EXOC6: variants seen among roughly 807,000 people sequenced by gnomAD.
The protein encoded by EXOC6 is exocyst complex component 6.
A neutral mutation model predicts 112.5 loss-of-function variants in EXOC6; 60 were observed. That is an observed-to-expected ratio of 0.53 (90% CI 0.43 to 0.66). EXOC6 has a LOEUF of 0.66. EXOC6 is among the 30% of genes least tolerant of loss of function. The probability of loss-of-function intolerance (pLI) is 0.00; values close to 1 mark genes in which losing one functional copy is unlikely to be tolerated. For missense variants in EXOC6, 855 were observed against 957.1 expected, an observed-to-expected ratio of 0.89 and a Z score of 1.41; for synonymous variants, 295 against 308.0, an observed-to-expected ratio of 0.96 and a Z score of 0.44.
rs140698131 is a variant in EXOC6, at chr10:93,031,099, A to G, written c.2169+16832A>G. On this transcript the variant is annotated intron_variant, in intron 20 of 21. Coordinates refer to ENST00000260762, the MANE Select transcript of EXOC6 (RefSeq NM_019053.6). Reference sequence around the variant, plus strand: ...TGTGAGCACCTACAGATGCAGAAAGAGAAGGAGGTAGAGGAACAAAAGCTA... The same window carrying G: ...TGTGAGCACCTACAGATGCAGAAAGGGAAGGAGGTAGAGGAACAAAAGCTA... Among the ~76,000 whole-genome samples, 313 of 152,292 alleles carry G rather than the reference A, an allele frequency of 2.1e-3. 2 individuals are homozygous for G. Among genetic ancestry groups the G allele is most frequent in the African/African-American group, 7.3e-3 (303 of 41,564 alleles).
chr10:92,860,095 G>T (rs1847833739), intron 1 of EXOC6, among the ~76,000 whole-genome samples: 1 of 152,018 alleles, frequency 6.6e-6, no homozygotes, highest in Admixed American at 6.6e-5. Flanking sequence ...TGACTTTTTA[G>T]TGGATTAAAA....
intron 1 of EXOC6, among the ~76,000 whole-genome samples, chr10:92,870,354 G>C (rs1478114400): frequency 6.6e-6 from 1 of 152,134 alleles, no homozygotes; most frequent in Non-Finnish European, 1.5e-5. Context: ...AATTTTGTCA[G>C]ATGTTTCTTC....
intron 18 of EXOC6, among the ~76,000 whole-genome samples, chr10:92,982,038 C>T (rs1842843311): frequency 1.3e-5 from 2 of 152,122 alleles, no homozygotes; most frequent in South Asian, 4.1e-4. Context: ...ATCACTTGAA[C>T]CCGGGAGGCA....
intron 8 of EXOC6, among the ~76,000 whole-genome samples, chr10:92,923,950 A>G (rs918219915): frequency 6.6e-6 from 1 of 152,214 alleles, no homozygotes; most frequent in African/African-American, 2.4e-5. Context: ...TCCTTTAATT[A>G]TTAATCAAGG....
chr10:92,996,000 ATCAACCCTATGTAATATGTT>A (rs1341901537), intron 18 of EXOC6, among the ~76,000 whole-genome samples: 1 of 152,198 alleles, frequency 6.6e-6, no homozygotes, highest in Non-Finnish European at 1.5e-5. Flanking sequence ...TTTTTCACAA[ATCAACCCTATGTAATATGTT>A]TTTGTACTAA....
chr10:92,835,297 GTTTA>G (rs1366326214), intron 1 of EXOC6, among the ~76,000 whole-genome samples: 5 of 152,010 alleles, frequency 3.3e-5, no homozygotes, highest in Non-Finnish European at 7.4e-5. Context: ...TCCATATAAG[GTTTA>G]TTTATTTTTT....
intron 1 of EXOC6, among the ~76,000 whole-genome samples, chr10:92,853,820 A>T (rs1847465869): frequency 6.6e-6 from 1 of 152,204 alleles, no homozygotes; most frequent in African/African-American, 2.4e-5. Context: ...TGACTTTAGG[A>T]TAGGCCAAGA....
At chr10:92,830,307 G>C (rs551509889), upstream of EXOC6, among the ~76,000 whole-genome samples, 2 of 152,152 alleles carry the variant, frequency 1.3e-5, no homozygotes, top group Non-Finnish European at 1.5e-5. Flanking sequence ...AAAGGTGAGC[G>C]ACTGATGCAG....
At chr10:92,903,718 C>G (rs1250198512) in intron 5 of EXOC6, among the ~76,000 whole-genome samples, 1 of 151,770 alleles carries the variant, frequency 6.6e-6, no homozygotes, top group Non-Finnish European at 1.5e-5. Context: ...TATACTTTTC[C>G]TCTTCTTTCT....
At chr10:92,986,764 A>G (rs577655504) in intron 18 of EXOC6, among the ~76,000 whole-genome samples, 58 of 151,704 alleles carry the variant, frequency 3.8e-4, no homozygotes, top group Non-Finnish European at 6.3e-4. Flanking sequence ...AAAAAATTAA[A>G]TAGTACTTTA....
At chr10:93,041,428 G>C (rs555471484) in intron 20 of EXOC6, among the ~76,000 whole-genome samples, 4 of 152,202 alleles carry the variant, frequency 2.6e-5, no homozygotes, top group African/African-American at 9.6e-5. Context: ...GTCTCACTCT[G>C]TTGCCCAGGC....
At chr10:92,900,543 C>T (rs1477385614) in intron 5 of EXOC6, 3 of 151,756 alleles carry the variant, frequency 2.0e-5, no homozygotes, top group Non-Finnish European at 2.9e-5. Flanking sequence ...AAGCCAAAAA[C>T]TATTCTGAAA....
intron 18 of EXOC6, among the ~76,000 whole-genome samples, chr10:92,992,936 C>A (rs929209934): frequency 1.3e-5 from 2 of 151,460 alleles, no homozygotes; most frequent in Non-Finnish European, 3.0e-5. Context: ...AAATTTAATT[C>A]ATTAAAATAC....
chr10:93,057,732 T>C (rs1487381517), intron 21 of EXOC6, among the ~76,000 whole-genome samples: 2 of 152,204 alleles, frequency 1.3e-5, no homozygotes, highest in Non-Finnish European at 2.9e-5. Context: ...TATTTTCCTA[T>C]ATTTCAAAAT....
chr10:92,947,005 G>A (rs1343049870), intron 13 of EXOC6, among the ~76,000 whole-genome samples: 2 of 152,098 alleles, frequency 1.3e-5, no homozygotes, highest in African/African-American at 4.8e-5. Context: ...TAGATTTCTT[G>A]TGTTTATTGT....
intron 20 of EXOC6, among the ~76,000 whole-genome samples, chr10:93,032,988 A>T (rs1221103936): frequency 1.3e-5 from 2 of 152,148 alleles, no homozygotes; most frequent in Non-Finnish European, 2.9e-5. Flanking sequence ...GGAAAGAGAA[A>T]GGGTAATAGT....
intron 1 of EXOC6, among the ~76,000 whole-genome samples, chr10:92,842,936 G>A (rs1018024632): frequency 6.6e-6 from 1 of 152,070 alleles, no homozygotes; most frequent in Non-Finnish European, 1.5e-5. Context: ...TGATGACAGG[G>A]TATTGAACCA....
chr10:92,863,770 C>G (rs549445885), intron 1 of EXOC6, among the ~76,000 whole-genome samples: 1 of 151,970 alleles, frequency 6.6e-6, no homozygotes, highest in African/African-American at 2.4e-5. Flanking sequence ...AAAAAATTAG[C>G]TGGGCGTGGT....
intron 19 of EXOC6, among the ~76,000 whole-genome samples, chr10:93,009,041 C>T (rs1417818535): frequency 6.6e-6 from 1 of 151,902 alleles, no homozygotes; most frequent in Non-Finnish European, 1.5e-5. Flanking sequence ...GCAACATAGT[C>T]CCCCTGTCTC....
Sources: gnomAD v4.1 joint callset for allele counts (sites outside exome capture counted in the v4.1 genomes callset) on GRCh38, gnomAD v4.1.1 for gene constraint, MANE v1.5 for transcripts, NCBI Gene and HGNC (gene_info 2026-07-23, HGNC 2026-07-21) for gene names.